The following TOM1L2 variants were observed in gnomAD, a reference collection of about 807,000 sequenced individuals.
TOM1L2 encodes target of myb1 like 2 membrane trafficking protein.
A neutral mutation model predicts 67.9 loss-of-function variants in TOM1L2; 31 were observed. That is an observed-to-expected ratio of 0.46 (90% CI 0.34 to 0.62). The LOEUF (loss-of-function observed/expected upper bound fraction) is 0.62, where lower values mean the gene tolerates loss of function less well. TOM1L2 is among the 20% of genes least tolerant of loss of function. TOM1L2 has a pLI of 0.01. For synonymous variants in TOM1L2, 256 were observed against 254.0 expected (o/e 1.01, Z -0.07); for missense variants, 606 against 663.5 (o/e 0.91, Z 0.95).
In TOM1L2 at chr17:17,898,696, T is replaced by C. The variant is rs2038699757; in HGVS notation, c.138-22A>G. On this transcript the variant is annotated intron_variant, in intron 2 of 14. Coordinates refer to ENST00000379504, the MANE Select transcript of TOM1L2 (RefSeq NM_001082968.2). ...TGGCCTGGAAAAAAGAACAGACATA[T>C]AAAGATACTTACAATCCCACTTGAG... The C allele has an allele frequency of 1.9e-6, 3 of 1,613,532 alleles. 1 individual carries two copies. In the South Asian group the frequency reaches 3.3e-5, roughly 18 times the overall value.
chr17:17,896,236 C>T (rs1174220777), intron 3 of TOM1L2, among the ~76,000 whole-genome samples: 1 of 152,110 alleles, frequency 6.6e-6, no homozygotes, highest in Non-Finnish European at 1.5e-5. Context: ...AAACCTTCCT[C>T]CCAACTCAGG....
Position 17,846,562 on chromosome 17 carries a change from G to C in TOM1L2, c.*1073C>G, listed in dbSNP as rs2035653814. 6.6e-6 allele frequency: 1 copy of C among 152,554 alleles called. No individual in the cohort carries two copies. Among genetic ancestry groups the C allele is most frequent in the Non-Finnish European group, 1.5e-5 (1 of 68,280 alleles). The allele number at this position is 152,554 out of a possible 1,614,324, so 9.5% of individuals were successfully genotyped here. On this transcript the variant is annotated 3_prime_UTR_variant, in exon 15 of 15. Transcript: ENST00000379504. ...CTCTGAGGTGGGAGGAGGCCAGACT[G>C]TCAGGAGAGTCTGTGCAAGGAGGCC...
chr17:17,915,280 G>A (rs545126728), intron 1 of TOM1L2, among the ~76,000 whole-genome samples: 35 of 152,260 alleles, frequency 2.3e-4, no homozygotes, highest in African/African-American at 7.7e-4. Context: ...TTGCTAGCAG[G>A]TGAGACTATA....
At chr17:17,880,628 G>A (rs1000964703) in intron 6 of TOM1L2, among the ~76,000 whole-genome samples, 1 of 152,196 alleles carries the variant, frequency 6.6e-6, no homozygotes, top group African/African-American at 2.4e-5. Context: ...CTGGACAGAG[G>A]TCAAGAACTG....
chr17:17,859,962 C>G (rs1481781932), intron 12 of TOM1L2: 2 of 152,332 alleles, frequency 1.3e-5, no homozygotes, highest in Non-Finnish European at 2.9e-5. Flanking sequence ...TAGTCCAAGC[C>G]ACACACACAA....
chr17:17,945,850 TTTTTC>T (rs1209697989), intron 1 of TOM1L2, among the ~76,000 whole-genome samples: 1 of 152,136 alleles, frequency 6.6e-6, no homozygotes, highest in African/African-American at 2.4e-5. Context: ...AATTCAATCT[TTTTTC>T]TTTTTTTATT....
At position 17,862,543 on chromosome 17, in the gene TOM1L2, G is replaced by T. The variant is rs1392135359; in HGVS notation, c.1202+188C>A. 4 of 600,424 alleles carry T rather than the reference G, an allele frequency of 6.7e-6. No individual in the cohort carries two copies. The African/African-American group carries it at 7.5e-5, about 11-fold the overall frequency. 37.2% of individuals were successfully genotyped at this position (600,424 alleles called of 1,614,324 possible). A position where few individuals can be genotyped will look rare whatever the true frequency, so the allele number is the denominator to read the frequency against. On this transcript the variant is annotated intron_variant, in intron 11 of 14. Transcript: ENST00000379504. ...AGAGTGTGTGTGTGTTTGGGGGGGT[G>T]GGGGAGGAGGTGGGCAGTTGGTATT...
Position 17,845,349 on chromosome 17 carries a change from C to CGCTGGCGCTGGAGCTGGA in TOM1L2, c.*2268_*2285dup, listed in dbSNP as rs1246607556. 1 of 152,208 alleles carries CGCTGGCGCTGGAGCTGGA rather than the reference C, an allele frequency of 6.6e-6. No individual in the cohort carries two copies. The highest frequency in any genetic ancestry group is 1.9e-4 in the East Asian group (1 of 5,172). The allele number at this position is 152,208 out of a possible 1,614,324, so 9.4% of individuals were successfully genotyped here. On this transcript the variant is annotated 3_prime_UTR_variant, in exon 15 of 15. Transcript: ENST00000379504. The stretch of plus-strand genomic sequence containing the variant: ...CCAATGATGCCTGGCAACCAGCTGG[C>CGCTGGCGCTGGAGCTGGA]GCTGGCGCTGGAGCTGGAGCGGGGC...
chr17:17,877,913 C>CAAAA (rs991483557), intron 7 of TOM1L2, among the ~76,000 whole-genome samples: 1 of 151,980 alleles, frequency 6.6e-6, no homozygotes, highest in African/African-American at 2.4e-5. Context: ...CCTCTCCCCC[C>CAAAA]AAAACACGAA....
At chr17:17,953,879 T>C (rs1481629063) in intron 1 of TOM1L2, among the ~76,000 whole-genome samples, 2 of 152,254 alleles carry the variant, frequency 1.3e-5, no homozygotes, top group African/African-American at 2.4e-5. Flanking sequence ...TGCATGTTCA[T>C]TGCCTTGCCT....
chr17:17,942,187 G>T (rs1188234001), intron 1 of TOM1L2, among the ~76,000 whole-genome samples: 1 of 152,182 alleles, frequency 6.6e-6, no homozygotes, highest in Non-Finnish European at 1.5e-5. Flanking sequence ...ACCAGCACTA[G>T]CTGAAAACAG....
rs2038580370 is a variant in TOM1L2, at chr17:17,896,530, GT to G, written c.216+2065del. ...GGAAGTGCCCTGGACAGAGATGCAT[GT>G]GCCACAGAGCAGCCCCAAAGCCTAT... is the stretch of plus-strand genomic sequence containing the variant. On this transcript the variant is annotated intron_variant, in intron 3 of 14. Coordinates refer to ENST00000379504, the MANE Select transcript of TOM1L2 (RefSeq NM_001082968.2). Among the ~76,000 whole-genome samples the G allele has an allele frequency of 3.9e-5, 6 of 152,332 alleles. No homozygotes were observed. The South Asian group carries it at 1.2e-3, about 32-fold the overall frequency.
rs529573591 is a variant in TOM1L2 at position 17,951,402 on chromosome 17, G to C, written c.52+20860C>G. On this transcript the variant is annotated intron_variant, in intron 1 of 14. Coordinates refer to ENST00000379504, the MANE Select transcript of TOM1L2 (RefSeq NM_001082968.2). ...CTTACTGGGTTAGAGATGAAAAGGA[G>C]GAACATTTAGTACTTGGGTAGACAC... Among the ~76,000 whole-genome samples the C allele has an allele frequency of 4.6e-5, 7 of 152,284 alleles. No homozygotes were observed. The East Asian group carries it at 1.2e-3, about 25-fold the overall frequency.
At chr17:17,966,900 A>T (rs1413562262) in intron 1 of TOM1L2, among the ~76,000 whole-genome samples, 1 of 152,244 alleles carries the variant, frequency 6.6e-6, no homozygotes, top group African/African-American at 2.4e-5. Flanking sequence ...TGACTGAAGC[A>T]AAAGGGCTTT....
chr17:17,924,494 A>C (rs2040007479), intron 1 of TOM1L2, among the ~76,000 whole-genome samples: 1 of 152,162 alleles, frequency 6.6e-6, no homozygotes, highest in South Asian at 2.1e-4. Flanking sequence ...GAATGTGTTC[A>C]ATGTAGTATT....
At chr17:17,862,474 C>G in intron 11 of TOM1L2, 1 of 397,888 alleles carries the variant, frequency 2.5e-6, no homozygotes. Context: ...CTGTCTCTTA[C>G]AACTGACAGG....
At chr17:17,928,159 C>A (rs56886154) in intron 1 of TOM1L2, among the ~76,000 whole-genome samples, 82,642 of 150,264 alleles carry the variant, frequency 0.55, 25,055 homozygotes, top group East Asian at 0.94. Context: ...TCTGTAACAA[C>A]AAAAAAAATC....
At chr17:17,926,201 C>T (rs2040077910) in intron 1 of TOM1L2, among the ~76,000 whole-genome samples, 1 of 150,282 alleles carries the variant, frequency 6.7e-6, no homozygotes, top group Non-Finnish European at 1.5e-5. Flanking sequence ...AAGCTAGGTA[C>T]AAGCTTTCAA....
At chr17:17,912,506 CG>C (rs2144503665) in intron 1 of TOM1L2, among the ~76,000 whole-genome samples, 1 of 151,482 alleles carries the variant, frequency 6.6e-6, no homozygotes, top group Admixed American at 6.6e-5. Flanking sequence ...ACCTCCCAGA[CG>C]GGGTCACGGC....
Sources: gnomAD v4.1 joint callset for allele counts (sites outside exome capture counted in the v4.1 genomes callset) on GRCh38, gnomAD v4.1.1 for gene constraint, MANE v1.5 for transcripts, NCBI Gene and HGNC (gene_info 2026-07-23, HGNC 2026-07-21) for gene names.